Variants in CAPN15 observed in about 807,000 individuals in gnomAD.
The protein encoded by CAPN15 is calpain-15.
A neutral mutation model predicts 97.9 loss-of-function variants in CAPN15; 53 were observed. The ratio of observed to expected loss-of-function variants is 0.54; its 90% CI spans 0.43 to 0.68. CAPN15 has a LOEUF of 0.68. Ranked by LOEUF, CAPN15 falls within the 30% of genes least tolerant of loss-of-function variation. The pLI, the probability that CAPN15 is intolerant of heterozygous loss-of-function variation, is 0.00. For missense variants in CAPN15, 1,592 were observed against 1,589.8 expected (o/e 1.00, Z -0.02); for synonymous variants, 922 against 722.5 (o/e 1.28, Z -4.43).
chr16:545,644 G>A lies in CAPN15; in HGVS notation c.-22-1173G>A, dbSNP rs147932431. On this transcript the variant is annotated intron_variant, in intron 3 of 13. Transcript: ENST00000219611. ...GCGATTGTTTGGTCCTGGGGACCCGGGTTCTCATTCTCCTCTCTGGAGCTG... is the reference window on the plus strand; with the variant it reads ...GCGATTGTTTGGTCCTGGGGACCCGAGTTCTCATTCTCCTCTCTGGAGCTG... 1.8e-3 allele frequency among the ~76,000 whole-genome samples: 270 copies of A among 152,352 alleles called. 1 individual carries two copies. The highest frequency in any genetic ancestry group is 6.0e-3 in the African/African-American group (251 of 41,582).
chr16:546,267 A>G (rs2034576971), intron 3 of CAPN15, among the ~76,000 whole-genome samples: 1 of 152,210 alleles, frequency 6.6e-6, no homozygotes, highest in Admixed American at 6.5e-5. Context: ...AAGGGTTTAG[A>G]TGGAGCACAA....
At position 552,049 on chromosome 16, in the gene CAPN15, A is replaced by G. The variant is rs1325169340; in HGVS notation, c.2346-2A>G. On this transcript the variant is annotated splice_acceptor_variant, in intron 9 of 13. Transcript: ENST00000219611. LOFTEE classifies it high-confidence loss of function. The surrounding 1 kb of genome is among the most constrained non-coding windows in gnomAD (Gnocchi z 6.4). ...AGGGCCCCGTCCTCCCGCCACCTGC[A>G]GGTACTTCGACTCCGTGGACATCTG... The G allele has an allele frequency of 6.5e-7, 1 of 1,548,148 alleles. No homozygotes were observed. The highest frequency in any genetic ancestry group is 1.4e-5 in the African/African-American group (1 of 73,084).
intron 4 of CAPN15, among the ~76,000 whole-genome samples, chr16:548,531 A>G (rs965512017): frequency 6.6e-6 from 1 of 151,890 alleles, no homozygotes; most frequent in African/African-American, 2.4e-5. Context: ...TCAACCCTCC[A>G]CCGTGGCCAG....
intron 8 of CAPN15, 41 bp from the exon 9 acceptor site, chr16:551,471 T>C: frequency 3.1e-6 from 5 of 1,600,742 alleles, no homozygotes; most frequent in Non-Finnish European, 4.3e-6. Flanking sequence ...CCGGTGAGAC[T>C]CGGGCAGTGT....
chr16:544,291 G>C (rs1458637557), intron 3 of CAPN15, among the ~76,000 whole-genome samples: 2 of 152,044 alleles, frequency 1.3e-5, no homozygotes, highest in Non-Finnish European at 2.9e-5. Flanking sequence ...TGCCCCGAGA[G>C]CTGTCTGGGC....
Position 554,283 on chromosome 16 carries a change from G to T in CAPN15, c.*767G>T, listed in dbSNP as rs11539619. The T allele has an allele frequency of 0.21, 73,695 of 348,314 alleles. 11,219 individuals carry two copies. Among genetic ancestry groups the T allele is most frequent in the East Asian group, 0.79 (10,480 of 13,308 alleles). 21.6% of individuals were successfully genotyped at this position (348,314 alleles called of 1,614,324 possible). A position where few individuals can be genotyped will look rare whatever the true frequency, so the allele number is the denominator to read the frequency against. On this transcript the variant is annotated 3_prime_UTR_variant, in exon 14 of 14. Coordinates refer to ENST00000219611, the MANE Select transcript of CAPN15 (RefSeq NM_005632.3). ...CCAGCACATCGTGGGCACGGGCAGG[G>T]CTCAGCCGCTCCCACCTCCCCACAG...
At chr16:544,067 GC>G (rs2034354616) in intron 3 of CAPN15, among the ~76,000 whole-genome samples, 1 of 152,170 alleles carries the variant, frequency 6.6e-6, no homozygotes, top group South Asian at 2.1e-4. Flanking sequence ...TCATCTACGG[GC>G]CGGGCACCGG....
intron 2 of CAPN15, among the ~76,000 whole-genome samples, chr16:534,805 C>A (rs965825912): frequency 6.6e-6 from 1 of 152,222 alleles, no homozygotes; most frequent in Non-Finnish European, 1.5e-5. Flanking sequence ...CTGCCCCCCA[C>A]ACCCCCAGCT....
intron 3 of CAPN15, chr16:540,263 C>CG (rs1567141188): frequency 2.0e-6 from 2 of 985,352 alleles, no homozygotes. Context: ...CCGCCCTACC[C>CG]GGGTCCCCCG....
intron 7 of CAPN15, 61 bp downstream of exon 7, chr16:549,899 G>A (rs1248309901): frequency 3.0e-6 from 4 of 1,349,942 alleles, no homozygotes; most frequent in Non-Finnish European, 4.1e-6. Flanking sequence ...CGGAGCGGTG[G>A]GAGATGTGGG....
At chr16:533,342 AC>A (rs1042268577) in intron 1 of CAPN15, among the ~76,000 whole-genome samples, 10 of 152,252 alleles carry the variant, frequency 6.6e-5, no homozygotes, top group Non-Finnish European at 8.8e-5. Context: ...CATCCTGCCC[AC>A]CGCAGTGGGT....
At chr16:532,332 T>TCACA (rs1274418030) in intron 1 of CAPN15, among the ~76,000 whole-genome samples, 1 of 149,770 alleles carries the variant, frequency 6.7e-6, no homozygotes, top group Non-Finnish European at 1.5e-5. Flanking sequence ...GGTGGGTGAA[T>TCACA]CACATGAGGT....
At chr16:550,711 GTCCCC>G (rs2034940243) in intron 7 of CAPN15, among the ~76,000 whole-genome samples, 28 of 139,366 alleles carry the variant, frequency 2.0e-4, no homozygotes, top group Non-Finnish European at 3.9e-4. Context: ...GTCGGTGAGG[GTCCCC>G]TGTCGGTGAG....
At chr16:539,832 C>T (rs1054599) in intron 3 of CAPN15, 1 of 152,358 alleles carries the variant, frequency 6.6e-6, no homozygotes, top group African/African-American at 2.4e-5. Flanking sequence ...TCTCTTTTCT[C>T]ACCAAGGAAT....
At chr16:549,879 A>AGAGGC in intron 7 of CAPN15, 41 bp downstream of exon 7, 1 of 1,466,202 alleles carries the variant, frequency 6.8e-7, no homozygotes, top group Non-Finnish European at 9.3e-7. Context: ...CGTTGGGAGG[A>AGAGGC]GAGGCGAGGC....
chr16:537,621 C>T (rs536220921), intron 3 of CAPN15: 62 of 193,584 alleles, frequency 3.2e-4, no homozygotes, highest in African/African-American at 1.0e-3. Context: ...CGCCCTGACC[C>T]GCTCAGGGTT....
chr16:545,409 G>A (rs1007070499), intron 3 of CAPN15, among the ~76,000 whole-genome samples: 4 of 151,936 alleles, frequency 2.6e-5, no homozygotes, highest in Non-Finnish European at 4.4e-5. Context: ...CGCAGACTGC[G>A]GGGTCAGTGA....
rs746420492 is a variant in CAPN15, at chr16:552,467, G to A, written c.2674G>A (p.Ala892Thr). The change falls in exon 11 of 14, where the codon GCT becomes ACT. Residue 892 changes from alanine to threonine, a missense_variant. Ala to Thr is a moderately conservative substitution (Grantham distance 58). Transcript: ENST00000219611. This position sits in a 1 kb window ranked among gnomAD's most constrained non-coding sequence, Gnocchi z 6.4. ...CGTCATGCTGGAGCCTGGCGAGTAC[G>A]CTGTGGTGTGCTGCGCCTTCAACCA... ...CDVMLEPGEY[A>T]VVCCAFNHWG... 44 of 1,609,028 alleles carry A rather than the reference G, an allele frequency of 2.7e-5. No homozygotes were observed. The highest frequency in any genetic ancestry group is 1.6e-4 in the Middle Eastern group (1 of 6,082).
Position 549,806 on chromosome 16 carries a change from C to A in CAPN15, c.2034C>A (p.Ile678=). 6.3e-7 allele frequency: 1 copy of A among 1,588,626 alleles called. No homozygotes were observed. The highest frequency in any genetic ancestry group is 2.3e-5 in the East Asian group (1 of 43,410). Residue 678 remains isoleucine, a synonymous_variant, in exon 7 of 14, where the codon ATC becomes ATA. Coordinates refer to ENST00000219611, the MANE Select transcript of CAPN15 (RefSeq NM_005632.3). The part of the protein sequence containing the change: ...PREEPVDTDL[I]WAKMLSSKEA... ...AGGAGCCCGTTGACACTGACCTCAT[C>A]TGGGCCAAAATGCTGAGTTCTAAGG...
Sources: allele counts gnomAD v4.1 joint callset (sites outside exome capture counted in the v4.1 genomes callset), GRCh38; gene constraint gnomAD v4.1.1; non-coding constraint Gnocchi (gnomAD v3.1); transcripts MANE v1.5; gene names NCBI Gene and HGNC (gene_info 2026-07-23, HGNC 2026-07-21).